The following FGGY variants were observed in gnomAD, a reference collection of about 807,000 sequenced individuals.
FGGY encodes FGGY carbohydrate kinase domain containing.
A neutral mutation model predicts 71.3 loss-of-function variants in FGGY; 72 were observed. The observed-to-expected ratio is 1.01, with a 90% CI of 0.84 to 1.23. The LOEUF (loss-of-function observed/expected upper bound fraction) is 1.23. FGGY is among the 50% of genes most tolerant of loss of function. FGGY has a pLI of 0.00. For synonymous variants in FGGY, 251 were observed against 250.3 expected, an observed-to-expected ratio of 1.00 and a Z score of -0.02; for missense variants, 668 against 682.3, an observed-to-expected ratio of 0.98 and a Z score of 0.23.
intron 6 of FGGY, among the ~76,000 whole-genome samples, chr1:59,502,822 G>A (rs1275279268): frequency 1.3e-5 from 2 of 152,218 alleles, no homozygotes; most frequent in African/African-American, 4.8e-5. Flanking sequence ...TTGATGGTCT[G>A]TATGGGCCAT....
chr1:59,599,888 T>C (rs967467873), intron 8 of FGGY, among the ~76,000 whole-genome samples: 9 of 151,846 alleles, frequency 5.9e-5, no homozygotes, highest in South Asian at 2.1e-4. Context: ...GGGCAGAGGA[T>C]TGGGAAATGA....
intron 14 of FGGY, among the ~76,000 whole-genome samples, chr1:59,748,354 C>T (rs2101622503): frequency 6.6e-6 from 1 of 152,212 alleles, no homozygotes; most frequent in Non-Finnish European, 1.5e-5. Context: ...TAGGAGAGTG[C>T]ACTGCTTCTG....
chr1:59,568,900 A>T (rs2095928993), intron 8 of FGGY, among the ~76,000 whole-genome samples: 1 of 152,210 alleles, frequency 6.6e-6, no homozygotes, highest in African/African-American at 2.4e-5. Flanking sequence ...GGTAACAGAT[A>T]ACAATTTGTA....
At chr1:59,541,676 C>G (rs1043742952) in intron 7 of FGGY, among the ~76,000 whole-genome samples, 1 of 152,046 alleles carries the variant, frequency 6.6e-6, no homozygotes, top group African/African-American at 2.4e-5. Flanking sequence ...GGAGAAAAAT[C>G]AGAAGGAGAA....
chr1:59,747,063 CA>C (rs1237753185), intron 14 of FGGY, among the ~76,000 whole-genome samples: 1 of 152,166 alleles, frequency 6.6e-6, no homozygotes, highest in Admixed American at 6.5e-5. Context: ...TATTTAATTA[CA>C]GCTCACGGCA....
intron 8 of FGGY, among the ~76,000 whole-genome samples, chr1:59,602,753 TCA>T (rs1215667585): frequency 6.6e-6 from 1 of 152,214 alleles, no homozygotes; most frequent in African/African-American, 2.4e-5. Flanking sequence ...TGTGAAATGC[TCA>T]CTCTTTTCCC....
intron 5 of FGGY, among the ~76,000 whole-genome samples, chr1:59,440,504 T>TTTG (rs1207200995): frequency 1.3e-5 from 2 of 151,916 alleles, no homozygotes; most frequent in Admixed American, 1.3e-4. Flanking sequence ...ACACTCAAAG[T>TTTG]AGTCTTCCTA....
At chr1:59,407,929 G>A (rs988299467) in intron 5 of FGGY, among the ~76,000 whole-genome samples, 5 of 152,134 alleles carry the variant, frequency 3.3e-5, no homozygotes, top group African/African-American at 1.2e-4. Flanking sequence ...TGGACCAAAA[G>A]GTTTCTCATC....
At chr1:59,550,683 T>C (rs549849993) in intron 7 of FGGY, among the ~76,000 whole-genome samples, 99 of 152,308 alleles carry the variant, frequency 6.5e-4, no homozygotes, top group African/African-American at 2.3e-3. Flanking sequence ...TGTGGCAGAA[T>C]TGGGGCTGAA....
intron 6 of FGGY, among the ~76,000 whole-genome samples, chr1:59,493,977 A>G (rs1558118854): frequency 6.6e-6 from 1 of 152,202 alleles, no homozygotes; most frequent in African/African-American, 2.4e-5. Context: ...TTAGGGCTAA[A>G]TCACTTGCCC....
chr1:59,719,621 A>C (rs2097870602), intron 14 of FGGY, among the ~76,000 whole-genome samples: 1 of 152,214 alleles, frequency 6.6e-6, no homozygotes, highest in Admixed American at 6.5e-5. Flanking sequence ...TATTTATTCA[A>C]CAAACATTTA....
chr1:59,459,002 C>G (rs2091959153), intron 6 of FGGY, among the ~76,000 whole-genome samples: 1 of 152,172 alleles, frequency 6.6e-6, no homozygotes, highest in African/African-American at 2.4e-5. Context: ...CATTGCCCGT[C>G]AAGATGTGGG....
chr1:59,680,409 C>A, intron 14 of FGGY, among the ~76,000 whole-genome samples: 1 of 143,792 alleles, frequency 7.0e-6, no homozygotes. Context: ...TTGGCCCTAA[C>A]ATTCATTATT....
At chr1:59,527,314 A>G (rs6692151) in intron 7 of FGGY, among the ~76,000 whole-genome samples, 75,429 of 152,048 alleles carry the variant, frequency 0.5, 19,899 homozygotes, top group African/African-American at 0.67. Context: ...AGTGCCTAGC[A>G]CTTTATCTTT....
At chr1:59,369,275 C>T (rs538269342) in intron 4 of FGGY, among the ~76,000 whole-genome samples, 19 of 152,276 alleles carry the variant, frequency 1.2e-4, no homozygotes, top group African/African-American at 1.9e-4. Context: ...GCACATGGCT[C>T]GGAGGGTCGT....
At chr1:59,478,058 A>G (rs931948888) in intron 6 of FGGY, among the ~76,000 whole-genome samples, 2 of 152,160 alleles carry the variant, frequency 1.3e-5, no homozygotes, top group Non-Finnish European at 2.9e-5. Flanking sequence ...AGTATCAAAC[A>G]AGTTACCTAA....
intron 8 of FGGY, among the ~76,000 whole-genome samples, chr1:59,601,370 A>C (rs2096576246): frequency 1.3e-5 from 2 of 152,186 alleles, no homozygotes; most frequent in African/African-American, 4.8e-5. Flanking sequence ...CACCACAGGG[A>C]AACTCGGCTG....
chr1:59,559,860 CAT>C (rs2095757291), intron 8 of FGGY, among the ~76,000 whole-genome samples: 2 of 152,078 alleles, frequency 1.3e-5, no homozygotes, highest in African/African-American at 4.8e-5. Context: ...ACCATACTGA[CAT>C]AAATTATTTT....
intron 5 of FGGY, among the ~76,000 whole-genome samples, chr1:59,455,567 G>A (rs1337375964): frequency 6.6e-6 from 1 of 152,160 alleles, no homozygotes; most frequent in Non-Finnish European, 1.5e-5. Context: ...TTAGAGCGTA[G>A]CAATTGAAGG....
Sources: gnomAD v4.1 joint callset for allele counts (sites outside exome capture counted in the v4.1 genomes callset) on GRCh38, gnomAD v4.1.1 for gene constraint, MANE v1.5 for transcripts, NCBI Gene and HGNC (gene_info 2026-07-23, HGNC 2026-07-21) for gene names.